Variants in FARS2 observed in about 807,000 individuals in gnomAD.
The protein encoded by FARS2 is phenylalanyl-tRNA synthetase 2, mitochondrial, also known as phenylalanine--tRNA ligase, mitochondrial.
FARS2 carries 40 observed loss-of-function variants against 46.4 expected under a neutral mutation model. The ratio of observed to expected loss-of-function variants is 0.86; its 90% CI spans 0.67 to 1.12. The LOEUF (loss-of-function observed/expected upper bound fraction) is 1.12, where lower values mean the gene tolerates loss of function less well. Ranked by LOEUF, FARS2 falls within the 50% of genes most tolerant of loss-of-function variation. FARS2 has a pLI of 0.00. For synonymous variants in FARS2, 234 were observed against 214.9 expected (o/e 1.09, Z -0.78); for missense variants, 513 against 567.9 (o/e 0.90, Z 0.98).
At chr6:5,432,444 T>C (rs1305322669) in intron 4 of FARS2, among the ~76,000 whole-genome samples, 1 of 128,802 alleles carries the variant, frequency 7.8e-6, no homozygotes, top group Admixed American at 9.3e-5. Flanking sequence ...ATATAATATA[T>C]AAAATATATA....
At chr6:5,299,421 C>T (rs981532873) in intron 1 of FARS2, among the ~76,000 whole-genome samples, 2 of 152,146 alleles carry the variant, frequency 1.3e-5, no homozygotes, top group Non-Finnish European at 2.9e-5. Flanking sequence ...TTCTGGGCCC[C>T]TGGGATTTGT....
intron 4 of FARS2, among the ~76,000 whole-genome samples, chr6:5,494,457 A>C (rs1017461227): frequency 2.0e-5 from 3 of 152,166 alleles, no homozygotes; most frequent in African/African-American, 7.2e-5. Context: ...CTGCGTGTTT[A>C]GGTGTCCTTG....
chr6:5,318,465 C>A (rs994977140), intron 1 of FARS2, among the ~76,000 whole-genome samples: 13 of 148,628 alleles, frequency 8.7e-5, no homozygotes, highest in African/African-American at 3.2e-4. Flanking sequence ...TCCATCTTGT[C>A]TTTAGCTGGC....
chr6:5,421,695 T>C (rs923416792), intron 3 of FARS2, among the ~76,000 whole-genome samples: 1 of 152,206 alleles, frequency 6.6e-6, no homozygotes, highest in Non-Finnish European at 1.5e-5. Flanking sequence ...AGAGGCAAAA[T>C]GCTGCCAGTC....
intron 5 of FARS2, among the ~76,000 whole-genome samples, chr6:5,612,143 G>A (rs1381434348): frequency 1.3e-5 from 2 of 152,322 alleles, no homozygotes; most frequent in Non-Finnish European, 1.5e-5. Context: ...CTAAACTGAT[G>A]CATTTGTTTG....
intron 4 of FARS2, among the ~76,000 whole-genome samples, chr6:5,438,625 T>C (rs1763671596): frequency 6.6e-6 from 1 of 152,190 alleles, no homozygotes; most frequent in Non-Finnish European, 1.5e-5. Flanking sequence ...TAGAGCAAAG[T>C]GACAGTGGTT....
chr6:5,520,426 G>C (rs1381324954), intron 4 of FARS2, among the ~76,000 whole-genome samples: 3 of 152,154 alleles, frequency 2.0e-5, no homozygotes, highest in African/African-American at 7.2e-5. Flanking sequence ...ATATTTGGCA[G>C]TGTGTGAACA....
chr6:5,512,844 T>G (rs1337045750), intron 4 of FARS2, among the ~76,000 whole-genome samples: 1 of 152,046 alleles, frequency 6.6e-6, no homozygotes, highest in African/African-American at 2.4e-5. Flanking sequence ...AGAACATAGG[T>G]TGGGGACTGC....
At chr6:5,560,781 A>C (rs2150534686) in intron 5 of FARS2, among the ~76,000 whole-genome samples, 1 of 152,222 alleles carries the variant, frequency 6.6e-6, no homozygotes, top group African/African-American at 2.4e-5. Context: ...ACTTTGTATC[A>C]GTTTTGATTA....
chr6:5,412,367 C>A (rs2127733497), intron 3 of FARS2, among the ~76,000 whole-genome samples: 1 of 152,354 alleles, frequency 6.6e-6, no homozygotes, highest in East Asian at 1.9e-4. Flanking sequence ...GTAAAGGCTT[C>A]ATTGGCCTGA....
At chr6:5,395,061 T>C (rs989399711) in intron 2 of FARS2, among the ~76,000 whole-genome samples, 2 of 152,054 alleles carry the variant, frequency 1.3e-5, no homozygotes, top group Non-Finnish European at 2.9e-5. Flanking sequence ...ATTGTGCTGA[T>C]TGGTTTTGAG....
At chr6:5,742,717 G>A (rs533821587) in intron 6 of FARS2, among the ~76,000 whole-genome samples, 4 of 152,048 alleles carry the variant, frequency 2.6e-5, no homozygotes, top group Admixed American at 1.3e-4. Context: ...AAGAAGATAC[G>A]TTTGAGGGTA....
chr6:5,374,511 T>C (rs17140294), intron 2 of FARS2, among the ~76,000 whole-genome samples: 8,843 of 152,150 alleles, frequency 0.058, 304 homozygotes, highest in Middle Eastern at 0.15. Context: ...CCTCAGATGA[T>C]TTTACACAAG....
At chr6:5,417,915 AT>A (rs955321480) in intron 3 of FARS2, among the ~76,000 whole-genome samples, 23 of 150,992 alleles carry the variant, frequency 1.5e-4, no homozygotes, top group African/African-American at 5.1e-4. Flanking sequence ...TCTTTCAGTG[AT>A]TTTTTTTTCC....
chr6:5,556,414 T>TGTACCGTCC (rs1178668206), intron 5 of FARS2, among the ~76,000 whole-genome samples: 29 of 152,076 alleles, frequency 1.9e-4, no homozygotes, highest in Middle Eastern at 3.4e-3. Context: ...TCCTCCTGAT[T>TGTACCGTCC]CTCAGTCCCT....
chr6:5,537,005 G>A (rs937325438), intron 4 of FARS2, among the ~76,000 whole-genome samples: 2 of 152,180 alleles, frequency 1.3e-5, no homozygotes, highest in African/African-American at 2.4e-5. Context: ...ACCTTCTAGC[G>A]TTGACTGATG....
At chr6:5,334,230 G>A (rs1265706833) in intron 1 of FARS2, among the ~76,000 whole-genome samples, 1 of 152,174 alleles carries the variant, frequency 6.6e-6, no homozygotes, top group East Asian at 1.9e-4. Flanking sequence ...TTTAATCACA[G>A]TGGTACAAAG....
intron 4 of FARS2, among the ~76,000 whole-genome samples, chr6:5,526,023 A>G (rs973951564): frequency 1.8e-4 from 28 of 152,228 alleles, no homozygotes; most frequent in Non-Finnish European, 2.9e-5. Flanking sequence ...CAGTGAAACT[A>G]CTCAATTAGT....
intron 1 of FARS2, among the ~76,000 whole-genome samples, chr6:5,303,225 G>A (rs1053000402): frequency 5.3e-5 from 8 of 152,048 alleles, no homozygotes. Context: ...GGAAGTGAAG[G>A]TATAGAGGAG....
Sources: gnomAD v4.1 joint callset for allele counts (sites outside exome capture counted in the v4.1 genomes callset) on GRCh38, gnomAD v4.1.1 for gene constraint, MANE v1.5 for transcripts, NCBI Gene and HGNC (gene_info 2026-07-23, HGNC 2026-07-21) for gene names.